The following EPHB2 variants were observed in gnomAD, a reference collection of about 807,000 sequenced individuals.
The protein encoded by EPHB2 is EPH receptor B2.
In EPHB2, 18 loss-of-function variants were observed where a neutral mutation model predicts 96.4. The ratio of observed to expected loss-of-function variants is 0.19; its 90% CI spans 0.13 to 0.28. EPHB2 has a LOEUF of 0.28. EPHB2 is among the 10% of genes least tolerant of loss of function. EPHB2 has a pLI of 1.00. For missense variants in EPHB2, 989 were observed against 1,355.4 expected (o/e 0.73, Z 4.25); for synonymous variants, 506 against 534.1 (o/e 0.95, Z 0.72).
At chr1:22,834,424 T>C (rs906353682) in intron 3 of EPHB2, among the ~76,000 whole-genome samples, 2 of 152,164 alleles carry the variant, frequency 1.3e-5, no homozygotes, top group African/African-American at 2.4e-5. Context: ...TAAAATACCT[T>C]GTCTGAATCT....
At chr1:22,905,950 G>A (rs1254917158) in intron 9 of EPHB2, 37 bp from the exon 10 acceptor site, 1 of 1,613,924 alleles carries the variant, frequency 6.2e-7, no homozygotes, top group Non-Finnish European at 8.5e-7. Context: ...TGCATCTTGA[G>A]TCAGTCCATA....
chr1:22,713,051 T>C (rs867206346), intron 1 of EPHB2, among the ~76,000 whole-genome samples: 3 of 152,218 alleles, frequency 2.0e-5, no homozygotes, highest in Middle Eastern at 3.4e-3. Context: ...GCCTGGACCC[T>C]GGCCCTGGAC....
intron 3 of EPHB2, among the ~76,000 whole-genome samples, chr1:22,812,633 C>T (rs2817872): frequency 0.43 from 64,659 of 152,048 alleles, 15,571 homozygotes; most frequent in East Asian, 0.74. Flanking sequence ...AGAAGGGCCA[C>T]TCATGTTGAG....
chr1:22,761,273 AAAAC>A (rs1318240804), intron 1 of EPHB2, among the ~76,000 whole-genome samples: 7 of 152,220 alleles, frequency 4.6e-5, no homozygotes, highest in African/African-American at 1.7e-4. Flanking sequence ...GAGAAGCAAA[AAAAC>A]AAAGAGTAGC....
At chr1:22,868,131 G>C (rs1638541201) in intron 5 of EPHB2, among the ~76,000 whole-genome samples, 1 of 152,218 alleles carries the variant, frequency 6.6e-6, no homozygotes, top group Non-Finnish European at 1.5e-5. Flanking sequence ...AGACGCCTCA[G>C]CTTATTTGTA....
chr1:22,800,933 G>T (rs570136646), intron 3 of EPHB2, among the ~76,000 whole-genome samples: 4 of 152,120 alleles, frequency 2.6e-5, no homozygotes, highest in Non-Finnish European at 4.4e-5. Context: ...AGCAAACCAG[G>T]CCTGTTTTGC....
chr1:22,745,646 TCA>T (rs1156438615), intron 1 of EPHB2, among the ~76,000 whole-genome samples: 1 of 152,160 alleles, frequency 6.6e-6, no homozygotes, highest in Non-Finnish European at 1.5e-5. Context: ...TGTCTGAGCC[TCA>T]GTTTCCTTTA....
chr1:22,734,828 C>T (rs1474902489), intron 1 of EPHB2, among the ~76,000 whole-genome samples: 8 of 152,202 alleles, frequency 5.3e-5, no homozygotes, highest in Non-Finnish European at 1.0e-4. Context: ...AAGTTGGAGA[C>T]ACACAGATAC....
intron 3 of EPHB2, among the ~76,000 whole-genome samples, chr1:22,840,948 C>T (rs537389499): frequency 6.6e-6 from 1 of 152,274 alleles, no homozygotes; most frequent in East Asian, 1.9e-4. Flanking sequence ...AGTCTCACAG[C>T]CAGGAAGTGG....
intron 3 of EPHB2, among the ~76,000 whole-genome samples, chr1:22,794,017 C>T (rs1158142697): frequency 6.6e-6 from 1 of 152,076 alleles, no homozygotes; most frequent in African/African-American, 2.4e-5. Flanking sequence ...GTCATTGAGT[C>T]CCAATCCTGT....
intron 3 of EPHB2, among the ~76,000 whole-genome samples, chr1:22,816,366 A>C (rs1019169399): frequency 1.3e-5 from 2 of 152,076 alleles, no homozygotes; most frequent in Non-Finnish European, 2.9e-5. Flanking sequence ...GCCCCGTGGA[A>C]GTTTCTGGCT....
At chr1:22,887,093 G>A (rs1293002932) in intron 6 of EPHB2, among the ~76,000 whole-genome samples, 5 of 152,122 alleles carry the variant, frequency 3.3e-5, no homozygotes, top group Admixed American at 1.3e-4. Context: ...CAGCAGCCAG[G>A]AGAGTGTGCA....
chr1:22,895,042 AAGTCACTTTGCCTTATCACAC>A (rs1323316406), intron 7 of EPHB2, among the ~76,000 whole-genome samples: 3 of 152,214 alleles, frequency 2.0e-5, no homozygotes, highest in African/African-American at 7.2e-5. Context: ...ACAAAGAGGT[AAGTCACTTTGCCTTATCACAC>A]AGTCACTTTG....
intron 2 of EPHB2, 103 bp downstream of exon 2, chr1:22,781,588 C>A: frequency 8.4e-7 from 1 of 1,188,020 alleles, no homozygotes; most frequent in Non-Finnish European, 1.2e-6. Context: ...TCCCCCTCTT[C>A]AGGACCCAGA....
chr1:22,801,252 A>C (rs1401601154), intron 3 of EPHB2, among the ~76,000 whole-genome samples: 2 of 152,184 alleles, frequency 1.3e-5, no homozygotes, highest in Non-Finnish European at 2.9e-5. Flanking sequence ...TTTACGAAGC[A>C]CTTTCATCTG....
intron 1 of EPHB2, among the ~76,000 whole-genome samples, chr1:22,747,880 GTCACT>G (rs1643999803): frequency 6.6e-6 from 1 of 152,238 alleles, no homozygotes; most frequent in African/African-American, 2.4e-5. Context: ...CTTTGGGCAA[GTCACT>G]TCACCTCTCT....
chr1:22,855,155 C>G (rs1273701346), intron 3 of EPHB2, among the ~76,000 whole-genome samples: 1 of 152,180 alleles, frequency 6.6e-6, no homozygotes, highest in Non-Finnish European at 1.5e-5. Context: ...GTGTATCAAT[C>G]CGTTCAAATC....
chr1:22,836,129 G>A (rs1385124994), intron 3 of EPHB2: 1 of 152,254 alleles, frequency 6.6e-6, no homozygotes, highest in Non-Finnish European at 1.5e-5. Context: ...CCACAGAGCA[G>A]CCTCTCCAGA....
chr1:22,877,916 T>C (rs111239660), intron 5 of EPHB2, among the ~76,000 whole-genome samples: 17 of 151,914 alleles, frequency 1.1e-4, no homozygotes, highest in African/African-American at 4.1e-4. Context: ...CAGTGGGGGG[T>C]GTTGTGGGGA....
Sources: gnomAD v4.1 joint callset for allele counts (sites outside exome capture counted in the v4.1 genomes callset) on GRCh38, gnomAD v4.1.1 for gene constraint, MANE v1.5 for transcripts, NCBI Gene and HGNC (gene_info 2026-07-23, HGNC 2026-07-21) for gene names.